Variants in LMO1 observed in about 807,000 individuals in gnomAD.
LMO1 encodes the protein rhombotin-1.
Under a neutral mutation model 18.0 loss-of-function variants are expected in LMO1, and 10 were observed. The observed-to-expected ratio is 0.55, with a 90% CI of 0.34 to 0.94. LMO1 has a LOEUF of 0.94. LMO1 is among the 40% of genes least tolerant of loss of function. The probability of loss-of-function intolerance (pLI) is 0.02; values close to 1 mark genes in which losing one functional copy is unlikely to be tolerated. For synonymous variants in LMO1, 77 were observed against 77.9 expected, an observed-to-expected ratio of 0.99 and a Z score of 0.06; for missense variants, 183 against 205.7, an observed-to-expected ratio of 0.89 and a Z score of 0.68.
Position 8,224,380 on chromosome 11 carries a change from T to C in LMO1, c.*236A>G, listed in dbSNP as rs1590512484. On this transcript the variant is annotated 3_prime_UTR_variant, in exon 4 of 4. Coordinates refer to ENST00000335790, the MANE Select transcript of LMO1 (RefSeq NM_002315.3). ...ATTACATTTCTCATAAAATAAATGT[T>C]CCCATTTATATACAGAAGACAGACT... The C allele has an allele frequency of 1.6e-5, 8 of 506,838 alleles. No homozygotes were observed. In the East Asian group the frequency reaches 2.4e-4, roughly 15 times the overall value. 31.4% of individuals were successfully genotyped at this position (506,838 alleles called of 1,614,324 possible).
intron 1 of LMO1, among the ~76,000 whole-genome samples, chr11:8,250,096 A>T (rs1846963958): frequency 6.6e-6 from 1 of 151,882 alleles, no homozygotes; most frequent in African/African-American, 2.4e-5. Context: ...ATTATTTTTA[A>T]ATTGTTGAAG....
At chr11:8,243,571 G>A (rs1846835694) in intron 1 of LMO1, among the ~76,000 whole-genome samples, 1 of 152,216 alleles carries the variant, frequency 6.6e-6, no homozygotes, top group Non-Finnish European at 1.5e-5. Context: ...CCGGCTGCTG[G>A]GCAAGCTGGT....
In LMO1 at chr11:8,253,804, T is replaced by A. The variant is rs1005965474; in HGVS notation, c.25+9534A>T. ...CTCCTTTCTGGGGTACCCCACGAAT[T>A]TTTCCCCGCCGAGACTCAGAGAAGA... On this transcript the variant is annotated intron_variant, in intron 1 of 3. Transcript: ENST00000335790. Among the ~76,000 whole-genome samples the A allele has an allele frequency of 2.6e-5, 4 of 151,908 alleles. No homozygotes were observed. The East Asian group carries it at 7.7e-4, about 29-fold the overall frequency.
intron 3 of LMO1, among the ~76,000 whole-genome samples, chr11:8,225,808 C>T (rs1454015409): frequency 2.0e-5 from 3 of 152,212 alleles, no homozygotes. Context: ...CGGCCAGAGC[C>T]CCCAGCCAGA....
At chr11:8,254,745 T>G (rs937296655) in intron 1 of LMO1, among the ~76,000 whole-genome samples, 1 of 152,156 alleles carries the variant, frequency 6.6e-6, no homozygotes, top group African/African-American at 2.4e-5. Flanking sequence ...TTCCTTGAAC[T>G]CTGAGTGTCT....
At chr11:8,236,087 G>A (rs1257759890) in intron 1 of LMO1, among the ~76,000 whole-genome samples, 1 of 152,208 alleles carries the variant, frequency 6.6e-6, no homozygotes, top group African/African-American at 2.4e-5. Flanking sequence ...GGCTGTTCCA[G>A]TGACCAGCCA....
At chr11:8,246,797 GC>G (rs1030889095) in intron 1 of LMO1, among the ~76,000 whole-genome samples, 10 of 152,190 alleles carry the variant, frequency 6.6e-5, no homozygotes, top group African/African-American at 2.2e-4. Flanking sequence ...GGTCAGCATA[GC>G]GGGGGAAATA....
chr11:8,243,103 G>A (rs1050058477), intron 1 of LMO1, among the ~76,000 whole-genome samples: 2 of 152,284 alleles, frequency 1.3e-5, no homozygotes, highest in East Asian at 1.9e-4. Context: ...CCCCAAGAGC[G>A]GCAGGGATGG....
chr11:8,248,849 C>T (rs1846939765), intron 1 of LMO1, among the ~76,000 whole-genome samples: 1 of 152,194 alleles, frequency 6.6e-6, no homozygotes, highest in Non-Finnish European at 1.5e-5. Context: ...CTACCTGCCT[C>T]AGGCCCACAG....
chr11:8,241,130 T>C (rs1385033675), intron 1 of LMO1, among the ~76,000 whole-genome samples: 2 of 152,178 alleles, frequency 1.3e-5, no homozygotes, highest in African/African-American at 4.8e-5. Flanking sequence ...ATTCCTGATT[T>C]CTTCCCCAAA....
chr11:8,263,226 A>T, intron 1 of LMO1, 112 bp downstream of exon 1: 1 of 973,288 alleles, frequency 1.0e-6, no homozygotes, highest in Non-Finnish European at 1.4e-6. Context: ...CCCGCCCCGC[A>T]ATCCCCGCAC....
chr11:8,260,415 A>G (rs1179370324), intron 1 of LMO1, among the ~76,000 whole-genome samples: 1 of 152,136 alleles, frequency 6.6e-6, no homozygotes, highest in African/African-American at 2.4e-5. Context: ...GTTCCAGTAA[A>G]GTGGAGATGG....
At chr11:8,231,675 C>T (rs1049598421) in intron 1 of LMO1, among the ~76,000 whole-genome samples, 1 of 152,152 alleles carries the variant, frequency 6.6e-6, no homozygotes, top group African/African-American at 2.4e-5. Flanking sequence ...CCCTCCCCAC[C>T]TCCCCGGCTT....
At chr11:8,226,266 G>T (rs1263508135) in intron 3 of LMO1, among the ~76,000 whole-genome samples, 1 of 152,142 alleles carries the variant, frequency 6.6e-6, no homozygotes, top group Non-Finnish European at 1.5e-5. Context: ...AGGCTGAGGT[G>T]GGCAGATAAC....
chr11:8,234,829 A>G (rs1952733758), intron 1 of LMO1, among the ~76,000 whole-genome samples: 1 of 151,696 alleles, frequency 6.6e-6, no homozygotes, highest in African/African-American at 2.4e-5. Flanking sequence ...CTCTGCTACT[A>G]CTCCAGGAAG....
At chr11:8,265,621 G>A (rs55818826), upstream of LMO1, among the ~76,000 whole-genome samples, 328 of 152,284 alleles carry the variant, frequency 2.2e-3, 2 homozygotes, top group African/African-American at 7.5e-3. Context: ...AGGACTGCGA[G>A]CTTGATCTCT....
chr11:8,266,609 T>A (rs924657381), upstream of LMO1, among the ~76,000 whole-genome samples: 3 of 152,156 alleles, frequency 2.0e-5, no homozygotes, highest in Admixed American at 1.3e-4. Flanking sequence ...AAGGAGAAAG[T>A]GGGTGCTACT....
At chr11:8,251,245 A>AGGACACACT (rs1846986188) in intron 1 of LMO1, among the ~76,000 whole-genome samples, 1 of 152,222 alleles carries the variant, frequency 6.6e-6, no homozygotes, top group Admixed American at 6.5e-5. Context: ...GACCAGCCTA[A>AGGACACACT]GGACACACTG....
upstream of LMO1, among the ~76,000 whole-genome samples, chr11:8,267,916 CAG>C (rs1313912491): frequency 6.6e-6 from 1 of 152,236 alleles, no homozygotes; most frequent in Admixed American, 6.5e-5. Flanking sequence ...TGCCAGACCG[CAG>C]AGACAGTGCT....
Sources: gnomAD v4.1 joint callset for allele counts (sites outside exome capture counted in the v4.1 genomes callset) on GRCh38, gnomAD v4.1.1 for gene constraint, MANE v1.5 for transcripts, NCBI Gene and HGNC (gene_info 2026-07-23, HGNC 2026-07-21) for gene names.